The following NEGR1 variants were observed in gnomAD, a reference collection of about 807,000 sequenced individuals.
NEGR1 encodes IgLON family member 4.
In NEGR1, 10 loss-of-function variants were observed where a neutral mutation model predicts 40.9. The observed-to-expected ratio is 0.24, with a 90% CI of 0.15 to 0.42. The LOEUF is 0.42. NEGR1 is among the 10% of genes least tolerant of loss of function. The probability of loss-of-function intolerance (pLI) is 1.00; values close to 1 mark genes in which losing one functional copy is unlikely to be tolerated. For synonymous variants in NEGR1, 185 were observed against 166.8 expected, an observed-to-expected ratio of 1.11 and a Z score of -0.84; for missense variants, 352 against 438.9, an observed-to-expected ratio of 0.80 and a Z score of 1.77.
intron 1 of NEGR1, among the ~76,000 whole-genome samples, chr1:72,078,628 T>A (rs1647852291): frequency 6.8e-6 from 1 of 147,828 alleles, no homozygotes; most frequent in East Asian, 2.0e-4. Context: ...CTCATATATA[T>A]ATATATATAT....
chr1:72,081,081 GA>G (rs1647976254), intron 1 of NEGR1, among the ~76,000 whole-genome samples: 1 of 152,082 alleles, frequency 6.6e-6, no homozygotes, highest in Non-Finnish European at 1.5e-5. Flanking sequence ...ATGCACTGTG[GA>G]TAAGTTCTAG....
chr1:72,091,103 A>G (rs1648472395), intron 1 of NEGR1, among the ~76,000 whole-genome samples: 2 of 152,124 alleles, frequency 1.3e-5, no homozygotes, highest in South Asian at 4.1e-4. Context: ...GTTCGGTCAG[A>G]GTTTTCCAAC....
At chr1:71,672,324 A>C (rs1311339952) in intron 4 of NEGR1, among the ~76,000 whole-genome samples, 1 of 152,198 alleles carries the variant, frequency 6.6e-6, no homozygotes, top group Non-Finnish European at 1.5e-5. Flanking sequence ...AAAAATTAAA[A>C]CATGTGACAT....
chr1:72,259,412 A>G (rs935720378), intron 1 of NEGR1, among the ~76,000 whole-genome samples: 2 of 151,978 alleles, frequency 1.3e-5, no homozygotes, highest in African/African-American at 2.4e-5. Context: ...CTATACATTG[A>G]TATTTATTAT....
intron 5 of NEGR1, among the ~76,000 whole-genome samples, chr1:71,598,934 T>G (rs1649829812): frequency 6.6e-6 from 1 of 152,220 alleles, no homozygotes; most frequent in African/African-American, 2.4e-5. Context: ...CATTAGAGTA[T>G]AACTCTGTTA....
intron 1 of NEGR1, among the ~76,000 whole-genome samples, chr1:72,026,110 CAAAAAAAAAAAAAAAAAAA>C (rs1172589239): frequency 3.2e-4 from 10 of 31,146 alleles, no homozygotes; most frequent in Middle Eastern, 0.071. Context: ...GACTCCGTCT[CAAAAAAAAAAAAAAAAAAA>C]AAAAAAAAAA....
intron 3 of NEGR1, among the ~76,000 whole-genome samples, chr1:71,748,607 A>T (rs925400484): frequency 6.6e-6 from 1 of 152,280 alleles, no homozygotes; most frequent in Non-Finnish European, 1.5e-5. Context: ...ATATTTACTT[A>T]TAATATTTCA....
chr1:71,399,157 C>T lies in NEGR1; in HGVS notation c.*8289G>A, dbSNP rs1010553127. The T allele has an allele frequency of 6.6e-6, 1 of 151,988 alleles. No individual in the cohort carries two copies. Among genetic ancestry groups the T allele is most frequent in the Admixed American group, 6.6e-5 (1 of 15,242 alleles). 9.4% of individuals were successfully genotyped at this position (151,988 alleles called of 1,614,324 possible). On this transcript the variant is annotated 3_prime_UTR_variant, in exon 7 of 7. Transcript: ENST00000357731. ...ATTGTCTATTATAAAACCATAAAAGCTTTGTTAATACATTTTGAAACCTGA... is the reference window on the plus strand; with the variant it reads ...ATTGTCTATTATAAAACCATAAAAGTTTTGTTAATACATTTTGAAACCTGA...
chr1:72,019,397 A>G (rs1646737896), intron 1 of NEGR1, among the ~76,000 whole-genome samples: 1 of 152,178 alleles, frequency 6.6e-6, no homozygotes, highest in Admixed American at 6.5e-5. Context: ...GGTTTACACT[A>G]GAAAATAGTG....
At chr1:71,896,831 C>G (rs1197166774) in intron 2 of NEGR1, among the ~76,000 whole-genome samples, 1 of 152,100 alleles carries the variant, frequency 6.6e-6, no homozygotes, top group Non-Finnish European at 1.5e-5. Context: ...AAAGTCTTGC[C>G]ACTCTTGTCA....
At chr1:71,963,313 G>C (rs1646182325) in intron 1 of NEGR1, among the ~76,000 whole-genome samples, 1 of 152,062 alleles carries the variant, frequency 6.6e-6, no homozygotes, top group Non-Finnish European at 1.5e-5. Flanking sequence ...AAGAAGGAAG[G>C]AGCCTACTAC....
At chr1:71,855,014 A>G (rs1176499427) in intron 2 of NEGR1, among the ~76,000 whole-genome samples, 1 of 152,024 alleles carries the variant, frequency 6.6e-6, no homozygotes, top group Non-Finnish European at 1.5e-5. Flanking sequence ...TCAACTATAT[A>G]AGTCTCTGAG....
In NEGR1 at chr1:72,189,573, C is replaced by T. The variant is rs573576904; in HGVS notation, c.176+92746G>A. Among the ~76,000 whole-genome samples the T allele has an allele frequency of 5.9e-5, 9 of 151,576 alleles. No homozygotes were observed. In the East Asian group the frequency reaches 1.6e-3, roughly 26 times the overall value. The stretch of plus-strand genomic sequence containing the variant: ...CTTAAATGCTTGGATGCATTTTATT[C>T]GTATCTATATCTTGAGTGACTAGTA... On this transcript the variant is annotated intron_variant, in intron 1 of 6. Transcript: ENST00000357731.
intron 4 of NEGR1, among the ~76,000 whole-genome samples, chr1:71,625,575 T>A (rs905542587): frequency 1.3e-5 from 2 of 151,734 alleles, no homozygotes; most frequent in African/African-American, 4.8e-5. Flanking sequence ...ATATACAGAT[T>A]TTTATATCCT....
At chr1:71,556,403 G>T (rs1011542513) in intron 6 of NEGR1, among the ~76,000 whole-genome samples, 3 of 151,508 alleles carry the variant, frequency 2.0e-5, no homozygotes, top group African/African-American at 7.3e-5. Context: ...TAAAGAGAAA[G>T]AATTTCTTGA....
chr1:71,431,155 C>G (rs1300059285), intron 6 of NEGR1, among the ~76,000 whole-genome samples: 1 of 150,218 alleles, frequency 6.7e-6, no homozygotes, highest in Non-Finnish European at 1.5e-5. Context: ...TATGTATTCC[C>G]TGGCATTGTT....
chr1:72,126,355 A>G (rs1315854555), intron 1 of NEGR1, among the ~76,000 whole-genome samples: 1 of 152,160 alleles, frequency 6.6e-6, no homozygotes, highest in African/African-American at 2.4e-5. Context: ...TTAGTTTGCT[A>G]TATCGAAGAT....
At chr1:72,237,517 C>A (rs1654589867) in intron 1 of NEGR1, among the ~76,000 whole-genome samples, 1 of 151,904 alleles carries the variant, frequency 6.6e-6, no homozygotes, top group Admixed American at 6.6e-5. Flanking sequence ...ACTACCGTCA[C>A]CTTCAGGCTT....
At chr1:71,834,632 T>C (rs1003770250) in intron 2 of NEGR1, among the ~76,000 whole-genome samples, 2 of 152,140 alleles carry the variant, frequency 1.3e-5, no homozygotes, top group Non-Finnish European at 2.9e-5. Context: ...AGAAAACACA[T>C]TGTGGAAATT....
Sources: gnomAD v4.1 joint callset for allele counts (sites outside exome capture counted in the v4.1 genomes callset) on GRCh38, gnomAD v4.1.1 for gene constraint, MANE v1.5 for transcripts, NCBI Gene and HGNC (gene_info 2026-07-23, HGNC 2026-07-21) for gene names.